CAMKMT: variants seen among roughly 807,000 people sequenced by gnomAD.
CAMKMT encodes calmodulin-lysine N-methyltransferase.
A neutral mutation model predicts 48.0 loss-of-function variants in CAMKMT; 53 were observed. That is an observed-to-expected ratio of 1.10 (90% CI 0.89 to 1.39). The LOEUF is 1.39. CAMKMT is among the 40% of genes most tolerant of loss of function. The pLI is 0.00. For missense variants in CAMKMT, 428 were observed against 402.7 expected, an observed-to-expected ratio of 1.06 and a Z score of -0.54; for synonymous variants, 165 against 152.3, an observed-to-expected ratio of 1.08 and a Z score of -0.61.
chr2:44,613,563 A>G (rs1270897784), intron 3 of CAMKMT, among the ~76,000 whole-genome samples: 1 of 152,212 alleles, frequency 6.6e-6, no homozygotes, highest in Non-Finnish European at 1.5e-5. Flanking sequence ...TCAGGAAATA[A>G]AAAGGTGAAT....
intron 4 of CAMKMT, 37 bp downstream of exon 4, chr2:44,704,380 A>G: frequency 1.4e-6 from 2 of 1,391,026 alleles, no homozygotes; most frequent in Non-Finnish European, 2.0e-6. Flanking sequence ...TTAGCCCATC[A>G]CGGATATTGA....
At chr2:44,744,393 C>T (rs1385738716) in intron 8 of CAMKMT, among the ~76,000 whole-genome samples, 2 of 152,022 alleles carry the variant, frequency 1.3e-5, no homozygotes, top group African/African-American at 2.4e-5. Context: ...AAAGTCTGAT[C>T]GTAAGTTACA....
At chr2:44,718,798 G>A (rs923243698) in intron 7 of CAMKMT, among the ~76,000 whole-genome samples, 24 of 152,170 alleles carry the variant, frequency 1.6e-4, no homozygotes, top group African/African-American at 5.1e-4. Flanking sequence ...AAAGTTGCTA[G>A]TGAATTCAGG....
intron 3 of CAMKMT, among the ~76,000 whole-genome samples, chr2:44,472,945 C>T (rs1011699462): frequency 4.6e-5 from 7 of 152,134 alleles, no homozygotes; most frequent in African/African-American, 1.7e-4. Context: ...GATTGATATG[C>T]AGCCAGCATT....
chr2:44,649,088 C>T, intron 3 of CAMKMT, among the ~76,000 whole-genome samples: 1 of 152,270 alleles, frequency 6.6e-6, no homozygotes, highest in East Asian at 1.9e-4. Context: ...ACATATCCCA[C>T]TAAATCATGA....
chr2:44,573,630 G>A (rs546622271), intron 3 of CAMKMT, among the ~76,000 whole-genome samples: 2 of 151,876 alleles, frequency 1.3e-5, no homozygotes, highest in African/African-American at 4.8e-5. Flanking sequence ...TTGTTAGGGA[G>A]GCCATCTACA....
intron 3 of CAMKMT, among the ~76,000 whole-genome samples, chr2:44,574,735 TATTA>T (rs1205067553): frequency 5.3e-5 from 8 of 152,026 alleles, no homozygotes; most frequent in East Asian, 1.9e-4. Flanking sequence ...TGATATGTCT[TATTA>T]ATTAATTAAT....
intron 3 of CAMKMT, among the ~76,000 whole-genome samples, chr2:44,588,134 T>C: frequency 1.6e-5 from 2 of 126,214 alleles, no homozygotes; most frequent in African/African-American, 3.0e-5. Flanking sequence ...GCCGCAACCC[T>C]GTCTGGGATG....
intron 3 of CAMKMT, among the ~76,000 whole-genome samples, chr2:44,628,815 T>G (rs190853755): frequency 2.0e-5 from 3 of 152,240 alleles, no homozygotes; most frequent in Non-Finnish European, 4.4e-5. Flanking sequence ...GCCAAATATT[T>G]GAGAGTTTTC....
At chr2:44,400,656 T>C (rs1682283938) in intron 3 of CAMKMT, 1 of 152,018 alleles carries the variant, frequency 6.6e-6, no homozygotes, top group Admixed American at 6.6e-5. Flanking sequence ...TAATCATTAA[T>C]CTTTGGGAAA....
At chr2:44,514,945 A>G (rs558902147) in intron 3 of CAMKMT, among the ~76,000 whole-genome samples, 1 of 152,366 alleles carries the variant, frequency 6.6e-6, no homozygotes, top group South Asian at 2.1e-4. Context: ...AGAACTTGGT[A>G]TATTTACGAG....
chr2:44,533,887 C>G (rs1307786493), intron 3 of CAMKMT, among the ~76,000 whole-genome samples: 1 of 152,118 alleles, frequency 6.6e-6, no homozygotes, highest in Non-Finnish European at 1.5e-5. Flanking sequence ...ATCAATAATA[C>G]CCTCAAATGT....
At chr2:44,538,274 C>A (rs1473235886) in intron 3 of CAMKMT, among the ~76,000 whole-genome samples, 2 of 151,362 alleles carry the variant, frequency 1.3e-5, no homozygotes, top group Non-Finnish European at 2.9e-5. Context: ...GAAGCTGAGG[C>A]AGAGAATTGC....
At chr2:44,532,811 A>G (rs1378040665) in intron 3 of CAMKMT, among the ~76,000 whole-genome samples, 2 of 147,756 alleles carry the variant, frequency 1.4e-5, no homozygotes, top group Non-Finnish European at 1.5e-5. Flanking sequence ...ACTGTATGCC[A>G]TTAAAGTTTT....
intron 3 of CAMKMT, among the ~76,000 whole-genome samples, chr2:44,679,185 A>G (rs1050156661): frequency 6.6e-6 from 1 of 152,168 alleles, no homozygotes; most frequent in Non-Finnish European, 1.5e-5. Context: ...CCTGTGGGTG[A>G]ATCAATGCTT....
At chr2:44,425,773 C>T (rs996723672) in intron 3 of CAMKMT, among the ~76,000 whole-genome samples, 1 of 151,650 alleles carries the variant, frequency 6.6e-6, no homozygotes, top group Non-Finnish European at 1.5e-5. Context: ...TCTTGTTGCC[C>T]AGGCTGGAGT....
intron 3 of CAMKMT, among the ~76,000 whole-genome samples, chr2:44,473,816 A>G (rs1668544143): frequency 6.6e-6 from 1 of 152,218 alleles, no homozygotes; most frequent in African/African-American, 2.4e-5. Context: ...TGGACTTTCT[A>G]GAATCATTGT....
chr2:44,457,508 C>G (rs930508470), intron 3 of CAMKMT, among the ~76,000 whole-genome samples: 11 of 151,652 alleles, frequency 7.3e-5, no homozygotes, highest in African/African-American at 2.7e-4. Context: ...AAGCGATTCT[C>G]CCACCTCAGC....
chr2:44,654,604 CT>C (rs1674267915), intron 3 of CAMKMT, among the ~76,000 whole-genome samples: 1 of 152,122 alleles, frequency 6.6e-6, no homozygotes, highest in Non-Finnish European at 1.5e-5. Flanking sequence ...CCTCCACCTC[CT>C]GGGTTCAAGC....
Sources: gnomAD v4.1 joint callset for allele counts (sites outside exome capture counted in the v4.1 genomes callset) on GRCh38, gnomAD v4.1.1 for gene constraint, MANE v1.5 for transcripts, NCBI Gene and HGNC (gene_info 2026-07-23, HGNC 2026-07-21) for gene names.